Variants in PER3 observed in about 807,000 individuals in gnomAD.
PER3 encodes period circadian regulator 3.
A neutral mutation model predicts 127.2 loss-of-function variants in PER3; 107 were observed. The observed-to-expected ratio is 0.84, with a 90% CI of 0.72 to 0.99. PER3 has a LOEUF of 0.99. Among genes scored for constraint, PER3 ranks in the 50% least tolerant of loss-of-function variants. PER3 has a pLI of 0.00. For missense variants in PER3, 1,560 were observed against 1,525.8 expected, an observed-to-expected ratio of 1.02 and a Z score of -0.37; for synonymous variants, 618 against 585.8, an observed-to-expected ratio of 1.05 and a Z score of -0.79.
At chr1:7,794,039 C>A (rs777206256) in intron 6 of PER3, 31 bp downstream of exon 6, 10 of 1,569,122 alleles carry the variant, frequency 6.4e-6, no homozygotes, top group Admixed American at 5.0e-5. Context: ...AAGCCAGCAA[C>A]AGTGGATTAT....
chr1:7,830,333 A>T (rs2097325410), intron 19 of PER3, among the ~76,000 whole-genome samples, 172 bp downstream of exon 19: 1 of 152,062 alleles, frequency 6.6e-6, no homozygotes, highest in Non-Finnish European at 1.5e-5. Context: ...AATAAAATTC[A>T]CCAGTTTGAG....
rs113092411 is a variant in PER3 at position 7,820,597 on chromosome 1, C to A, written c.1914C>A (p.Cys638Ter). 1 of 1,614,068 alleles carries A rather than the reference C, an allele frequency of 6.2e-7. No homozygotes were observed. The highest frequency in any genetic ancestry group is 1.3e-5 in the African/African-American group (1 of 75,032). Residue 638 changes from cysteine (C) to a stop codon, truncating the protein, a stop_gained, in exon 16 of 22, where the codon TGC becomes TGA. Coordinates refer to ENST00000377532, the MANE Select transcript of PER3 (RefSeq NM_001377275.1). LOFTEE classifies it high-confidence loss of function. ...MLSLGSGISQ[C>*]GYSSTIVHVP... ...GCTTGGGGTCGGGCATAAGCCAATG[C>A]GGTTACAGCAGCACCATTGTCCATG...
intron 19 of PER3, among the ~76,000 whole-genome samples, chr1:7,832,158 T>C (rs953328079): frequency 1.3e-5 from 2 of 152,134 alleles, no homozygotes; most frequent in African/African-American, 4.8e-5. Context: ...TTGTTGAATA[T>C]ATTGGCATAA....
chr1:7,788,119 G>C lies in PER3; in HGVS notation c.465G>C (p.Leu155=), dbSNP rs776011723. Residue 155 remains leucine (L), a synonymous_variant, in exon 5 of 22, where the codon CTG becomes CTC. Transcript: ENST00000377532. ...VHISEQAALI[L]NRKKDVLASS... ...TTTCTGAACAGGCTGCTTTGATCCTGAATCGTAAGAAAGATGTCCTGGCGT... is the reference window on the plus strand; with the variant it reads ...TTTCTGAACAGGCTGCTTTGATCCTCAATCGTAAGAAAGATGTCCTGGCGT... The C allele has an allele frequency of 1.2e-6, 2 of 1,613,992 alleles. No individual in the cohort carries two copies. The highest frequency in any genetic ancestry group is 1.7e-6 in the Non-Finnish European group (2 of 1,179,858).
rs1367978413 is a variant in PER3, at chr1:7,826,691, T to A, written c.2169T>A (p.Ala723=). The A allele has an allele frequency of 6.3e-7, 1 of 1,598,758 alleles. No homozygotes were observed. Among genetic ancestry groups the A allele is most frequent in the African/African-American group, 1.3e-5 (1 of 74,624 alleles). ...TTCAGCAAGAAAGCAGGAGCAAAGC[T>A]AAATATTCATATTTTCAAGGTACGT... ...SYLQQESRSK[A]KYSYFQGDST... The change falls in exon 17 of 22, where the codon GCT becomes GCA. Residue 723 remains alanine (A), a synonymous_variant. Coordinates refer to ENST00000377532, the MANE Select transcript of PER3 (RefSeq NM_001377275.1). This position sits in a 1 kb window ranked among gnomAD's most constrained non-coding sequence, Gnocchi z 4.2.
chr1:7,814,247 A>G (rs1458409015), intron 13 of PER3, among the ~76,000 whole-genome samples: 1 of 152,240 alleles, frequency 6.6e-6, no homozygotes, highest in African/African-American at 2.4e-5. Flanking sequence ...CTACTGAGCC[A>G]AAGACCATCA....
intron 5 of PER3, chr1:7,788,628 G>A: frequency 4.9e-6 from 1 of 202,590 alleles, no homozygotes; most frequent in South Asian, 7.7e-5. Flanking sequence ...ATTAGGCTGG[G>A]CAAGGTGGCT....
At chr1:7,791,529 A>G (rs1440748922) in intron 5 of PER3, among the ~76,000 whole-genome samples, 1 of 152,198 alleles carries the variant, frequency 6.6e-6, no homozygotes, top group Admixed American at 6.5e-5. Context: ...GAAGTCTCTG[A>G]CATGCCCTGA....
chr1:7,800,575 C>T (rs1381504994), intron 7 of PER3, among the ~76,000 whole-genome samples: 1 of 152,082 alleles, frequency 6.6e-6, no homozygotes, highest in African/African-American at 2.4e-5. Context: ...CCATATGGTA[C>T]TAAATAACAT....
At chr1:7,790,466 G>C (rs961111432) in intron 5 of PER3, among the ~76,000 whole-genome samples, 1 of 152,128 alleles carries the variant, frequency 6.6e-6, no homozygotes, top group Non-Finnish European at 1.5e-5. Context: ...CTCCCTCCGG[G>C]TTCCTCCCAC....
At chr1:7,789,140 A>AATATATATATATATATATATAT (rs59535110) in intron 5 of PER3, among the ~76,000 whole-genome samples, 17 of 133,234 alleles carry the variant, frequency 1.3e-4, no homozygotes, top group African/African-American at 4.3e-4. Flanking sequence ...AGAGCTTTAA[A>AATATATATATATATATATATAT]ATATATATAT....
At position 7,793,988 on chromosome 1, in the gene PER3, AC is replaced by A. The variant is rs1411629427; in HGVS notation, c.626del (p.Pro209LeufsTer27). On this transcript the variant is annotated frameshift_variant, in exon 6 of 22. Coordinates refer to ENST00000377532, the MANE Select transcript of PER3 (RefSeq NM_001377275.1). LOFTEE classifies it high-confidence loss of function. The stretch of plus-strand genomic sequence containing the variant: ...CACGGTATGAATGTGCTCCGGTGAA[AC>A]CTTTTTTCTGCAGGATCCGGTAAGT... ...AARYECAPVK[P>X]FFCRIRGGED... The A allele has an allele frequency of 6.2e-7, 1 of 1,613,760 alleles. No homozygotes were observed. Among genetic ancestry groups the A allele is most frequent in the Non-Finnish European group, 8.5e-7 (1 of 1,179,800 alleles).
At chr1:7,825,441 T>G (rs1483807667) in intron 16 of PER3, among the ~76,000 whole-genome samples, 5 of 152,214 alleles carry the variant, frequency 3.3e-5, no homozygotes, top group Admixed American at 6.5e-5. Flanking sequence ...TCCGCAGCAG[T>G]GTAGAAGTAT....
chr1:7,826,964 G>T lies in PER3; in HGVS notation c.2189-154G>T. 1 of 652,608 alleles carries T rather than the reference G, an allele frequency of 1.5e-6. No homozygotes were observed. Among genetic ancestry groups the T allele is most frequent in the South Asian group, 2.1e-5 (1 of 48,154 alleles). The allele number at this position is 652,608 out of a possible 1,614,324, so 40.4% of individuals were successfully genotyped here. The stretch of plus-strand genomic sequence containing the variant: ...ATTTGATAGCAACTATTTTTATCCG[G>T]AATTTTGTTCATCTTTTTAGAGCCA... On this transcript the variant is annotated intron_variant, in intron 17 of 21. Transcript: ENST00000377532. This position sits in a 1 kb window ranked among gnomAD's most constrained non-coding sequence, Gnocchi z 4.2.
chr1:7,822,822 G>T (rs1335106635), intron 16 of PER3, among the ~76,000 whole-genome samples: 1 of 152,134 alleles, frequency 6.6e-6, no homozygotes, highest in African/African-American at 2.4e-5. Flanking sequence ...GACTCAGGAG[G>T]CCAAGGAGGT....
chr1:7,829,192 T>A (rs532450649), intron 18 of PER3, among the ~76,000 whole-genome samples: 91 of 152,344 alleles, frequency 6.0e-4, no homozygotes, highest in African/African-American at 2.2e-3. Context: ...TTCTGAACCG[T>A]ATATACAGTA....
intron 21 of PER3, among the ~76,000 whole-genome samples, chr1:7,842,454 C>T (rs559893910): frequency 2.0e-5 from 3 of 151,556 alleles, no homozygotes; most frequent in African/African-American, 4.9e-5. Flanking sequence ...GAGCTGAGAT[C>T]GCACCACTGC....
chr1:7,794,877 ATTCTG>A (rs2097138201), intron 6 of PER3, among the ~76,000 whole-genome samples: 1 of 150,602 alleles, frequency 6.6e-6, no homozygotes, highest in Admixed American at 6.6e-5. Context: ...ATAATTATAT[ATTCTG>A]TTATGTTATA....
chr1:7,816,017 A>AG (rs2097249250), intron 13 of PER3, among the ~76,000 whole-genome samples: 7 of 143,714 alleles, frequency 4.9e-5, no homozygotes, highest in African/African-American at 1.0e-4. Flanking sequence ...AAAAAAAAAA[A>AG]TTGAATTGAA....
Sources: allele counts gnomAD v4.1 joint callset (sites outside exome capture counted in the v4.1 genomes callset), GRCh38; gene constraint gnomAD v4.1.1; non-coding constraint Gnocchi (gnomAD v3.1); transcripts MANE v1.5; gene names NCBI Gene and HGNC (gene_info 2026-07-23, HGNC 2026-07-21).